VPS11: variants seen among roughly 807,000 people sequenced by gnomAD.
The protein encoded by VPS11 is VPS11 core subunit of CORVET and HOPS complexes.
In VPS11, 51 loss-of-function variants were observed where a neutral mutation model predicts 106.8. That is an observed-to-expected ratio of 0.48 (90% CI 0.38 to 0.60). VPS11 has a LOEUF of 0.60. Ranked by LOEUF, VPS11 falls within the 20% of genes least tolerant of loss-of-function variation. The pLI is 0.00. For synonymous variants in VPS11, 453 were observed against 458.7 expected, an observed-to-expected ratio of 0.99 and a Z score of 0.16; for missense variants, 950 against 1,190.0, an observed-to-expected ratio of 0.80 and a Z score of 2.97.
chr11:119,076,885 A>G lies in VPS11; in HGVS notation c.1239-12A>G, dbSNP rs782157737. 22 of 1,613,720 alleles carry G rather than the reference A, an allele frequency of 1.4e-5. No individual in the cohort carries two copies. The highest frequency in any genetic ancestry group is 1.8e-5 in the Non-Finnish European group (21 of 1,179,740). ...CTGATTCAGATGCTATCGGGTGCACATGTCTCCCTAGAACCATTGGAAAGT... is the reference window on the plus strand; with the variant it reads ...CTGATTCAGATGCTATCGGGTGCACGTGTCTCCCTAGAACCATTGGAAAGT... On this transcript the variant is annotated splice_polypyrimidine_tract_variant and intron_variant, in intron 7 of 15. Coordinates refer to ENST00000621676, the MANE Select transcript of VPS11 (RefSeq NM_021729.6).
At position 119,069,413 on chromosome 11, in the gene VPS11, G is replaced by A. The variant is rs781805401; in HGVS notation, c.337-29G>A. 2.4e-5 allele frequency: 38 copies of A among 1,613,782 alleles called. No individual in the cohort carries two copies. The Admixed American group carries it at 6.3e-4, about 27-fold the overall frequency. ...ATGATTTTTTGTTGGAGGATGACTA[G>A]CATTTACACTTCTGAGGTCTGTCCA... On this transcript the variant is annotated intron_variant, in intron 2 of 15. Coordinates refer to ENST00000621676, the MANE Select transcript of VPS11 (RefSeq NM_021729.6).
chr11:119,077,147 G>A (rs1365731560), intron 8 of VPS11, 64 bp downstream of exon 8: 1 of 1,554,576 alleles, frequency 6.4e-7, no homozygotes, highest in Non-Finnish European at 8.7e-7. Flanking sequence ...GCTCCACCGG[G>A]ACTTGTTCGT....
rs1945293685 is a variant in VPS11, at chr11:119,069,675, G to T, written c.472+98G>T. ...TTTACTGTTTTCAGGAGACCACTTT[G>T]TACTGAACTGAGGCCTTTGCGATAT... is the stretch of plus-strand genomic sequence containing the variant. On this transcript the variant is annotated intron_variant, in intron 3 of 15. Transcript: ENST00000621676. The T allele has an allele frequency of 3.3e-6, 5 of 1,536,918 alleles. No homozygotes were observed. In the South Asian group the frequency reaches 5.8e-5, roughly 18 times the overall value.
intron 5 of VPS11, chr11:119,072,358 A>G (rs953752989): frequency 6.3e-6 from 1 of 159,190 alleles, no homozygotes; most frequent in Non-Finnish European, 1.4e-5. Flanking sequence ...GCCCTAGCAT[A>G]CTAGAATGCT....
chr11:119,069,000 C>CT (rs1565736224), intron 1 of VPS11, among the ~76,000 whole-genome samples, 196 bp from the exon 2 acceptor site: 3 of 35,098 alleles, frequency 8.5e-5, no homozygotes, highest in African/African-American at 3.3e-4. Context: ...ATCCGCACCC[C>CT]CCCCCCCCCC....
intron 6 of VPS11, 68 bp from the exon 7 acceptor site, chr11:119,073,732 C>T (rs950292396): frequency 4.6e-5 from 71 of 1,527,490 alleles, no homozygotes; most frequent in South Asian, 2.4e-4. Flanking sequence ...GTGTGTTGTG[C>T]GCACATTTTG....
chr11:119,078,166 A>G lies in VPS11; in HGVS notation c.1762-7A>G, dbSNP rs1369492446. ...TCAGCCTCCTTTTTCCTCTCTTGCC[A>G]TCCTAGGCCAACTCTGAGGAGTTCA... On this transcript the variant is annotated splice_region_variant and splice_polypyrimidine_tract_variant and intron_variant, in intron 10 of 15. Transcript: ENST00000621676. The G allele has an allele frequency of 6.2e-7, 1 of 1,612,572 alleles. No homozygotes were observed. Among genetic ancestry groups the G allele is most frequent in the East Asian group, 2.2e-5 (1 of 44,880 alleles).
At chr11:119,073,449 G>A (rs782044508) in intron 6 of VPS11, 50 bp downstream of exon 6, 2 of 1,588,112 alleles carry the variant, frequency 1.3e-6, no homozygotes, top group African/African-American at 2.7e-5. Context: ...AGAAGCAGCT[G>A]CAGGAGCAGG....
In VPS11 at chr11:119,069,352, C is replaced by T. The variant is rs1555201791; in HGVS notation, c.336+8C>T. 1 of 1,613,892 alleles carries T rather than the reference C, an allele frequency of 6.2e-7. No homozygotes were observed. ...GAGGGCATCAACCCCTTGGTGAGTC[C>T]CAGCAGGGAAATGGGAAAGATCCAG... On this transcript the variant is annotated splice_region_variant and intron_variant, in intron 2 of 15. Transcript: ENST00000621676.
At chr11:119,079,823 C>T (rs967140296) in intron 14 of VPS11, among the ~76,000 whole-genome samples, 10 of 152,286 alleles carry the variant, frequency 6.6e-5, no homozygotes, top group African/African-American at 2.2e-4. Context: ...GATCCTCCGG[C>T]CTTGACCTCC....
Position 119,081,247 on chromosome 11 carries a change from G to C in VPS11, c.2594G>C (p.Arg865Pro). ...ADCPTCLPEN[R>P]KVMDMIRAQE... ...TGCCCCACCTGCCTCCCTGAAAACC[G>C]GAAGGTCATGGATATGATCCGGGCC... Residue 865 changes from arginine (R) to proline (P), a missense_variant, in exon 15 of 16, where the codon CGG becomes CCG. Physicochemically the swap from Arg to Pro is moderately radical, Grantham distance 103 (BLOSUM62 -2). This residue lies in a region of VPS11 where 453 missense variants were observed against 514.6 expected (regional missense o/e 0.88). Coordinates refer to ENST00000621676, the MANE Select transcript of VPS11 (RefSeq NM_021729.6). 1 of 1,613,976 alleles carries C rather than the reference G, an allele frequency of 6.2e-7. No homozygotes were observed. Among genetic ancestry groups the C allele is most frequent in the Non-Finnish European group, 8.5e-7 (1 of 1,179,898 alleles).
chr11:119,074,149 G>A (rs1945509412), intron 7 of VPS11, among the ~76,000 whole-genome samples, 198 bp downstream of exon 7: 1 of 152,136 alleles, frequency 6.6e-6, no homozygotes, highest in Non-Finnish European at 1.5e-5. Context: ...GCAATGGCGC[G>A]ATCTCGACTT....
At chr11:119,068,650 A>C (rs1476084034) in intron 1 of VPS11, among the ~76,000 whole-genome samples, 1 of 151,216 alleles carries the variant, frequency 6.6e-6, no homozygotes, top group African/African-American at 2.4e-5. Flanking sequence ...GTTTCACCAT[A>C]TTGGCCAGGC....
In VPS11 at chr11:119,077,938, A is replaced by T. The variant is rs1319154200; in HGVS notation, c.1633A>T (p.Met545Leu). The change falls in exon 10 of 16, where the codon ATG (methionine) becomes TTG (leucine). Residue 545 changes from methionine to leucine, a missense_variant. Physicochemically the swap from Met to Leu is conservative, Grantham distance 15. This residue lies in a region of VPS11 where 453 missense variants were observed against 514.6 expected (regional missense o/e 0.88). Coordinates refer to ENST00000621676, the MANE Select transcript of VPS11 (RefSeq NM_021729.6). ...GCCTTTTGAGCAGGCAGAGAGCAAC[A>T]TGAAGCGCTACGGCAAGATCCTCAT... ...KLPFEQAESN[M>L]KRYGKILMHH... 6.2e-7 allele frequency: 1 copy of T among 1,614,068 alleles called. No homozygotes were observed. The highest frequency in any genetic ancestry group is 1.7e-5 in the Admixed American group (1 of 60,036).
rs2133640132 is a variant in VPS11, at chr11:119,067,982, C to T, written c.159C>T (p.Asp53=). Residue 53 remains aspartate (D), a synonymous_variant, in exon 1 of 16, where the codon GAC becomes GAT. Coordinates refer to ENST00000621676, the MANE Select transcript of VPS11 (RefSeq NM_021729.6). Reference sequence around the variant, plus strand: ...TCCCTCCTGGCATCACTGTCTGCGACTCAGGCCGAGGGAGCCTGGTCTTTG... The same window carrying T: ...TCCCTCCTGGCATCACTGTCTGCGATTCAGGCCGAGGGAGCCTGGTCTTTG... The part of the protein sequence containing the change: ...LCLPPGITVC[D]SGRGSLVFGD... 1.2e-6 allele frequency: 2 copies of T among 1,612,284 alleles called. No homozygotes were observed. The highest frequency in any genetic ancestry group is 8.5e-7 in the Non-Finnish European group (1 of 1,179,106).
chr11:119,078,855 G>A lies in VPS11; in HGVS notation c.2124G>A (p.Val708=), dbSNP rs782630999. 1 of 1,613,852 alleles carries A rather than the reference G, an allele frequency of 6.2e-7. No homozygotes were observed. The highest frequency in any genetic ancestry group is 8.5e-7 in the Non-Finnish European group (1 of 1,179,890). ...QHEQYRQVIS[V]CERHGEQDPS... ...AGCAGTACCGGCAGGTCATCAGCGT[G>A]TGTGAGCGCCATGGGGAGCAGGACC... is the stretch of plus-strand genomic sequence containing the variant. The change falls in exon 13 of 16, where the codon GTG becomes GTA. Residue 708 remains valine, a synonymous_variant. Coordinates refer to ENST00000621676, the MANE Select transcript of VPS11 (RefSeq NM_021729.6).
chr11:119,068,101 C>G, intron 1 of VPS11, 91 bp downstream of exon 1: 2 of 1,402,974 alleles, frequency 1.4e-6, no homozygotes, highest in East Asian at 2.5e-5. Context: ...GTCCGTGCCG[C>G]GCGCCTCTTT....
At chr11:119,075,626 T>G (rs879464897) in intron 7 of VPS11, among the ~76,000 whole-genome samples, 4 of 146,004 alleles carry the variant, frequency 2.7e-5, no homozygotes, top group Non-Finnish European at 6.0e-5. Context: ...CTGAGGCAGG[T>G]GGATCACCTG....
rs1052406588 is a variant in VPS11, at chr11:119,068,993, C to T, written c.188-203C>T. Among the ~76,000 whole-genome samples the T allele has an allele frequency of 2.5e-4, 14 of 55,596 alleles. 2 individuals carry two copies. Among genetic ancestry groups the T allele is most frequent in the African/African-American group, 1.2e-3 (14 of 11,656 alleles). The allele number at this position is 55,596 out of a possible 152,430, so 36.5% of individuals were successfully genotyped here. On this transcript the variant is annotated intron_variant, in intron 1 of 15. Coordinates refer to ENST00000621676, the MANE Select transcript of VPS11 (RefSeq NM_021729.6). ...CTCGAACCCCTGACCTCAGGTGATCCGCACCCCCCCCCCCCCCCGGCCTCC... is the reference window on the plus strand; with the variant it reads ...CTCGAACCCCTGACCTCAGGTGATCTGCACCCCCCCCCCCCCCCGGCCTCC...
Sources: gnomAD v4.1 joint callset for allele counts (sites outside exome capture counted in the v4.1 genomes callset) on GRCh38, gnomAD v4.1.1 for gene constraint, gnomAD v4.1.1 regional missense constraint, MANE v1.5 for transcripts, NCBI Gene and HGNC (gene_info 2026-07-23, HGNC 2026-07-21) for gene names.